The following NRP2 variants were observed in gnomAD, a reference collection of about 807,000 sequenced individuals.
The protein encoded by NRP2 is neuropilin 2.
Under a neutral mutation model 110.4 loss-of-function variants are expected in NRP2, and 52 were observed. The observed-to-expected ratio is 0.47, with a 90% CI of 0.38 to 0.59. The LOEUF is 0.59. Among genes scored for constraint, NRP2 ranks in the 20% least tolerant of loss-of-function variants. The pLI, the probability that NRP2 is intolerant of heterozygous loss-of-function variation, is 0.00. For synonymous variants in NRP2, 508 were observed against 468.9 expected (o/e 1.08, Z -1.08); for missense variants, 1,049 against 1,203.0 (o/e 0.87, Z 1.89).
intron 12 of NRP2, 52 bp downstream of exon 12, chr2:205,753,027 C>T (rs755401507): frequency 3.1e-6 from 5 of 1,607,080 alleles, no homozygotes; most frequent in Middle Eastern, 2.2e-4. Context: ...GCTTGTTCCA[C>T]ATACTTCAAC....
rs1559301625 is a variant in NRP2 at position 205,686,587 on chromosome 2, G to T, written c.73+3224G>T. Among the ~76,000 whole-genome samples, 1 of 152,218 alleles carries T rather than the reference G, an allele frequency of 6.6e-6. No homozygotes were observed. The highest frequency in any genetic ancestry group is 2.4e-5 in the African/African-American group (1 of 41,470). ...CAGGCGTCCAGCGGCTGGGTGGCGG[G>T]CGCCGGTAGCCCTAGTGTTTGGAGG... On this transcript the variant is annotated intron_variant, in intron 1 of 16. Transcript: ENST00000357785. The surrounding 1 kb of genome is among the most constrained non-coding windows in gnomAD (Gnocchi z 4.7).
intron 6 of NRP2, among the ~76,000 whole-genome samples, chr2:205,727,250 G>A (rs2057144695): frequency 6.6e-6 from 1 of 152,324 alleles, no homozygotes. Context: ...TCAAAGGAAT[G>A]ACATCCAGCA....
intron 2 of NRP2, among the ~76,000 whole-genome samples, chr2:205,710,772 T>A (rs2056781609): frequency 6.6e-6 from 1 of 152,180 alleles, no homozygotes; most frequent in African/African-American, 2.4e-5. Flanking sequence ...GGTTTTAATG[T>A]AAGGATTAAT....
In NRP2 at chr2:205,686,611, G is replaced by A. The variant is rs2056171306; in HGVS notation, c.73+3248G>A. ...GGCGCCGGTAGCCCTAGTGTTTGGA[G>A]GTGGGGGAGGGATTTGGAATAGACT... On this transcript the variant is annotated intron_variant, in intron 1 of 16. Transcript: ENST00000357785. The surrounding 1 kb of genome is among the most constrained non-coding windows in gnomAD (Gnocchi z 4.7). 1.3e-5 allele frequency among the ~76,000 whole-genome samples: 2 copies of A among 152,188 alleles called. No individual in the cohort carries two copies. The highest frequency in any genetic ancestry group is 2.9e-5 in the Non-Finnish European group (2 of 68,042).
intron 15 of NRP2, among the ~76,000 whole-genome samples, chr2:205,771,523 A>G (rs998247478): frequency 2.0e-5 from 3 of 152,224 alleles, no homozygotes; most frequent in Non-Finnish European, 4.4e-5. Context: ...AGAAAGAGAG[A>G]AGGCTTACCC....
At position 205,795,267 on chromosome 2, in the gene NRP2, G is replaced by A. The variant is rs907861198; in HGVS notation, c.*209G>A. ...TGATTACCCTCCTAGGACCGCGGTG[G>A]CTAAGTCATTGCAGGAACGGGGCTG... On this transcript the variant is annotated 3_prime_UTR_variant, in exon 17 of 17. Coordinates refer to ENST00000357785, the MANE Select transcript of NRP2 (RefSeq NM_003872.3). The A allele has an allele frequency of 3.4e-6, 2 of 589,518 alleles. No homozygotes were observed. Among genetic ancestry groups the A allele is most frequent in the African/African-American group, 1.8e-5 (1 of 54,188 alleles). 36.5% of individuals were successfully genotyped at this position (589,518 alleles called of 1,614,324 possible). A position where few individuals can be genotyped will look rare whatever the true frequency, so the allele number is the denominator to read the frequency against.
At chr2:205,713,079 C>G (rs114945333) in intron 2 of NRP2, among the ~76,000 whole-genome samples, 2 of 152,062 alleles carry the variant, frequency 1.3e-5, no homozygotes, top group African/African-American at 4.8e-5. Flanking sequence ...GGTCTGTATC[C>G]GTTGAGTAAA....
At chr2:205,782,412 A>G (rs140188450) in intron 15 of NRP2, among the ~76,000 whole-genome samples, 1 of 152,084 alleles carries the variant, frequency 6.6e-6, no homozygotes, top group African/African-American at 2.4e-5. Flanking sequence ...CTGGAGGGAG[A>G]CTTTATAGTA....
chr2:205,752,921 T>A lies in NRP2; in HGVS notation c.1990T>A (p.Trp664Arg). The change falls in exon 12 of 17, where the codon TGG (tryptophan) becomes AGG (arginine). Residue 664 changes from tryptophan to arginine, a missense_variant. Transcript: ENST00000357785. Reference sequence around the variant, plus strand: ...TGGTTGGATGTATGACCATGCCAAGTGGCTCCGGACCACCTGGGCCAGCAG... The same window carrying A: ...TGGTTGGATGTATGACCATGCCAAGAGGCTCCGGACCACCTGGGCCAGCAG... ...PCGWMYDHAK[W>R]LRTTWASSSS... The A allele has an allele frequency of 6.2e-7, 1 of 1,614,150 alleles. No individual in the cohort carries two copies. Among genetic ancestry groups the A allele is most frequent in the Non-Finnish European group, 8.5e-7 (1 of 1,180,040 alleles).
intron 1 of NRP2, among the ~76,000 whole-genome samples, chr2:205,690,157 C>A (rs1360827394): frequency 1.3e-5 from 2 of 151,882 alleles, no homozygotes; most frequent in East Asian, 3.9e-4. Flanking sequence ...ATTACTAGAC[C>A]GAATGCTAAT....
chr2:205,756,245 C>CT (rs1450719548), intron 12 of NRP2, among the ~76,000 whole-genome samples: 2 of 152,240 alleles, frequency 1.3e-5, no homozygotes, highest in East Asian at 3.9e-4. Context: ...GTGACCCCTG[C>CT]TAGCTGCGGA....
chr2:205,793,915 T>C (rs2058327816), intron 16 of NRP2, among the ~76,000 whole-genome samples: 2 of 152,084 alleles, frequency 1.3e-5, no homozygotes, highest in South Asian at 4.1e-4. Flanking sequence ...ATCTGCTGCT[T>C]ATATGGCCAG....
At chr2:205,760,365 ATCTTTCTTCCC>A (rs1394119233) in intron 12 of NRP2, among the ~76,000 whole-genome samples, 1 of 152,060 alleles carries the variant, frequency 6.6e-6, no homozygotes, top group East Asian at 1.9e-4. Context: ...TTTACATATC[ATCTTTCTTCCC>A]TGGAGCTCAT....
chr2:205,729,141 T>G (rs980348161), intron 7 of NRP2, among the ~76,000 whole-genome samples: 3 of 152,196 alleles, frequency 2.0e-5, no homozygotes, highest in African/African-American at 7.2e-5. Context: ...GCTGGAAACC[T>G]CAGACCCAGA....
At chr2:205,790,432 C>T (rs2058286433) in intron 15 of NRP2, among the ~76,000 whole-genome samples, 1 of 152,162 alleles carries the variant, frequency 6.6e-6, no homozygotes, top group South Asian at 2.1e-4. Flanking sequence ...ATTCTAGCCT[C>T]CAAGAATTCA....
chr2:205,757,951 G>T (rs912905513), intron 12 of NRP2, among the ~76,000 whole-genome samples: 1 of 151,306 alleles, frequency 6.6e-6, no homozygotes, highest in Non-Finnish European at 1.5e-5. Flanking sequence ...GCAGTGTGTG[G>T]ATTGATAACG....
intron 15 of NRP2, among the ~76,000 whole-genome samples, chr2:205,784,588 A>G (rs2105963675): frequency 6.6e-6 from 1 of 152,274 alleles, no homozygotes; most frequent in South Asian, 2.1e-4. Context: ...ATTAGTGTTT[A>G]CAGGGGTCCT....
At chr2:205,726,307 G>A (rs1355946952) in intron 6 of NRP2, among the ~76,000 whole-genome samples, 1 of 152,156 alleles carries the variant, frequency 6.6e-6, no homozygotes, top group Non-Finnish European at 1.5e-5. Flanking sequence ...GGGATTACTG[G>A]GCCTGGGGAG....
Position 205,763,018 on chromosome 2 carries a change from G to A in NRP2, c.2045-656G>A, listed in dbSNP as rs1232009407. On this transcript the variant is annotated intron_variant, in intron 12 of 16. Coordinates refer to ENST00000357785, the MANE Select transcript of NRP2 (RefSeq NM_003872.3). The surrounding 1 kb of genome is among the most constrained non-coding windows in gnomAD (Gnocchi z 4.0). Reference sequence around the variant, plus strand: ...TGCCTGGCTGTCTCAGAAAGGCCAAGTTCAAGCCTCCCTGAATCATCCCTT... The same window carrying A: ...TGCCTGGCTGTCTCAGAAAGGCCAAATTCAAGCCTCCCTGAATCATCCCTT... Among the ~76,000 whole-genome samples, 1 of 152,220 alleles carries A rather than the reference G, an allele frequency of 6.6e-6. No homozygotes were observed. The highest frequency in any genetic ancestry group is 1.5e-5 in the Non-Finnish European group (1 of 68,048).
Sources: allele counts gnomAD v4.1 joint callset (sites outside exome capture counted in the v4.1 genomes callset), GRCh38; gene constraint gnomAD v4.1.1; non-coding constraint Gnocchi (gnomAD v3.1); transcripts MANE v1.5; gene names NCBI Gene and HGNC (gene_info 2026-07-23, HGNC 2026-07-21).